Variants in NRP1 observed in about 807,000 individuals in gnomAD.
NRP1 encodes the protein neuropilin 1, also known as neuropilin-1.
A neutral mutation model predicts 106.7 loss-of-function variants in NRP1; 35 were observed. The ratio of observed to expected loss-of-function variants is 0.33; its 90% CI spans 0.25 to 0.43. NRP1 has a LOEUF of 0.43. Ranked by LOEUF, NRP1 falls within the 20% of genes least tolerant of loss-of-function variation. NRP1 has a pLI of 1.00. For missense variants in NRP1, 1,024 were observed against 1,170.4 expected, an observed-to-expected ratio of 0.87 and a Z score of 1.83; for synonymous variants, 437 against 417.9, an observed-to-expected ratio of 1.05 and a Z score of -0.56.
At chr10:33,319,986 C>T (rs975882999) in intron 2 of NRP1, among the ~76,000 whole-genome samples, 1 of 151,666 alleles carries the variant, frequency 6.6e-6, no homozygotes, top group African/African-American at 2.4e-5. Flanking sequence ...GAATAAATTC[C>T]GGACACAAGG....
At chr10:33,231,560 G>T (rs991982667) in intron 6 of NRP1, among the ~76,000 whole-genome samples, 4 of 152,110 alleles carry the variant, frequency 2.6e-5, no homozygotes, top group Non-Finnish European at 5.9e-5. Context: ...ATTTTTAGTG[G>T]CTGTGAATAT....
chr10:33,210,139 G>C (rs1036510585), intron 9 of NRP1, among the ~76,000 whole-genome samples: 1 of 152,048 alleles, frequency 6.6e-6, no homozygotes, highest in Non-Finnish European at 1.5e-5. Flanking sequence ...AAAGCCTCTA[G>C]GAGTTTAAAA....
chr10:33,299,228 C>T (rs1218482683), intron 2 of NRP1, among the ~76,000 whole-genome samples: 1 of 152,116 alleles, frequency 6.6e-6, no homozygotes, highest in African/African-American at 2.4e-5. Context: ...ACAAAGCAGT[C>T]CCTGCCCCCC....
At chr10:33,323,765 C>G (rs1031806164) in intron 2 of NRP1, among the ~76,000 whole-genome samples, 1 of 152,176 alleles carries the variant, frequency 6.6e-6, no homozygotes, top group Admixed American at 6.5e-5. Context: ...AATACTACCA[C>G]TGCAATTAGT....
At chr10:33,215,840 C>T (rs1308802171) in intron 8 of NRP1, among the ~76,000 whole-genome samples, 5 of 152,198 alleles carry the variant, frequency 3.3e-5, no homozygotes, top group Non-Finnish European at 5.9e-5. Context: ...TTCAGTCAGG[C>T]ATGCAGGCCT....
chr10:33,298,337 C>A (rs1845559815), intron 2 of NRP1, among the ~76,000 whole-genome samples: 1 of 152,190 alleles, frequency 6.6e-6, no homozygotes, highest in African/African-American at 2.4e-5. Flanking sequence ...GCTGTACACA[C>A]AGACAGCTCT....
At chr10:33,330,395 G>GAAA (rs559017298) in intron 2 of NRP1, among the ~76,000 whole-genome samples, 1 of 127,566 alleles carries the variant, frequency 7.8e-6, no homozygotes, top group Non-Finnish European at 1.7e-5. Context: ...CCCTCTCCAG[G>GAAA]AAAAAAAAAA....
chr10:33,334,289 G>C (rs2133001751), intron 1 of NRP1, 21 bp downstream of exon 1: 1 of 1,536,744 alleles, frequency 6.5e-7, no homozygotes, highest in African/African-American at 1.4e-5. Context: ...GCTGTCACCC[G>C]CGCCTCTGCC....
At chr10:33,333,333 C>T (rs1206257719) in intron 1 of NRP1, among the ~76,000 whole-genome samples, 2 of 152,172 alleles carry the variant, frequency 1.3e-5, no homozygotes, top group East Asian at 3.9e-4. Context: ...CTTGAAAAAG[C>T]ATATTAGAGA....
chr10:33,187,934 C>T (rs566910486), intron 13 of NRP1, among the ~76,000 whole-genome samples: 5 of 152,244 alleles, frequency 3.3e-5, no homozygotes, highest in African/African-American at 7.2e-5. Flanking sequence ...TTCAAACCAA[C>T]GGGTGGAATC....
chr10:33,328,345 C>A (rs767693046), intron 2 of NRP1, among the ~76,000 whole-genome samples: 1 of 150,812 alleles, frequency 6.6e-6, no homozygotes. Context: ...AATTAGTATA[C>A]GCTGATTATT....
At chr10:33,200,939 T>C (rs1837253250) in intron 11 of NRP1, 1 of 152,216 alleles carries the variant, frequency 6.6e-6, no homozygotes, top group African/African-American at 2.4e-5. Context: ...GCAGGCCTTA[T>C]CAACATCCTC....
At chr10:33,325,920 C>A (rs80266559) in intron 2 of NRP1, among the ~76,000 whole-genome samples, 4,435 of 152,250 alleles carry the variant, frequency 0.029, 113 homozygotes, top group Non-Finnish European at 0.045. Context: ...ACACTGAAGT[C>A]GGTAAGTAAG....
chr10:33,330,578 A>G (rs1848206007), intron 2 of NRP1, 130 bp downstream of exon 2: 1 of 645,054 alleles, frequency 1.6e-6, no homozygotes. Flanking sequence ...TTGACATATA[A>G]TCTGGCTGAG....
chr10:33,186,467 G>T lies in NRP1; in HGVS notation c.2084C>A (p.Ser695Tyr), dbSNP rs374499493. 2 of 1,612,490 alleles carry T rather than the reference G, an allele frequency of 1.2e-6. No homozygotes were observed. The highest frequency in any genetic ancestry group is 1.7e-6 in the Non-Finnish European group (2 of 1,178,982). ...DHTGDGNFIY[S>Y]QADENQKGKV... ...GCCCTTCTGATTTTCGTCAGCTTGGGAATAGATGAAGTTGCCATCTCCTGC... is the reference window on the plus strand; with the variant it reads ...GCCCTTCTGATTTTCGTCAGCTTGGTAATAGATGAAGTTGCCATCTCCTGC... Residue 695 changes from serine to tyrosine, a missense_variant, in exon 14 of 17, where the codon TCC becomes TAC. By Grantham distance (144) the Ser-to-Tyr change is moderately radical (BLOSUM62 -2). Around this residue, in one of 5 missense-constraint regions of NRP1, gnomAD observed 562 missense variants for 620.3 expected, o/e 0.91. Transcript: ENST00000374867.
At chr10:33,293,859 T>C (rs948125354) in intron 2 of NRP1, among the ~76,000 whole-genome samples, 6 of 152,374 alleles carry the variant, frequency 3.9e-5, no homozygotes, top group Admixed American at 2.0e-4. Context: ...TGAATATCCA[T>C]GTGAATGAAT....
At chr10:33,320,927 T>G (rs1360597020) in intron 2 of NRP1, among the ~76,000 whole-genome samples, 3 of 152,182 alleles carry the variant, frequency 2.0e-5, no homozygotes, top group Non-Finnish European at 4.4e-5. Context: ...TCACATTAAC[T>G]GGAATTTGTC....
chr10:33,212,273 T>C (rs1838366162), intron 9 of NRP1: 1 of 152,236 alleles, frequency 6.6e-6, no homozygotes, highest in Non-Finnish European at 1.5e-5. Context: ...GTGACAGCAA[T>C]TCAAGTGTCC....
Position 33,199,389 on chromosome 10 carries a change from A to ATT in NRP1, c.1865-1682_1865-1681dup, listed in dbSNP as rs1160327036. On this transcript the variant is annotated intron_variant, in intron 11 of 16. Coordinates refer to ENST00000374867, the MANE Select transcript of NRP1 (RefSeq NM_003873.7). Reference sequence around the variant, plus strand: ...TTTCTATATATATATATATATATATATTTTTTTTTTTTTTTTTTTTTTTTT... The same window carrying ATT: ...TTTCTATATATATATATATATATATATTTTTTTTTTTTTTTTTTTTTTTTTTT... Among the ~76,000 whole-genome samples, 222 of 36,852 alleles carry ATT rather than the reference A, an allele frequency of 6.0e-3. 24 individuals are homozygous for ATT. The highest frequency in any genetic ancestry group is 9.0e-3 in the South Asian group (6 of 668). 24.2% of individuals were successfully genotyped at this position (36,852 alleles called of 152,430 possible).
Sources: allele counts gnomAD v4.1 joint callset (sites outside exome capture counted in the v4.1 genomes callset), GRCh38; gene constraint gnomAD v4.1.1; regional missense constraint gnomAD v4.1.1; transcripts MANE v1.5; gene names NCBI Gene and HGNC (gene_info 2026-07-23, HGNC 2026-07-21).